Variants in ROBO2 observed in about 807,000 individuals in gnomAD.
ROBO2 encodes the protein roundabout guidance receptor 2, also known as roundabout homolog 2.
ROBO2 carries 53 observed loss-of-function variants against 160.8 expected under a neutral mutation model. The observed-to-expected ratio is 0.33, with a 90% confidence interval of 0.26 to 0.41. ROBO2 has a LOEUF of 0.41. Among genes scored for constraint, ROBO2 ranks in the 10% least tolerant of loss-of-function variants. The probability of loss-of-function intolerance (pLI) is 1.00; values close to 1 mark genes in which losing one functional copy is unlikely to be tolerated. For synonymous variants in ROBO2, 664 were observed against 611.7 expected (o/e 1.09, Z -1.26); for missense variants, 1,577 against 1,722.4 (o/e 0.92, Z 1.49).
intron 2 of ROBO2, among the ~76,000 whole-genome samples, chr3:76,006,522 C>G (rs907653585): frequency 6.6e-6 from 1 of 152,112 alleles, no homozygotes; most frequent in African/African-American, 2.4e-5. Flanking sequence ...ATTTACCTAT[C>G]CTTCTTTTGT....
intron 23 of ROBO2, among the ~76,000 whole-genome samples, chr3:77,623,168 G>T (rs1416585102): frequency 1.3e-5 from 2 of 152,030 alleles, no homozygotes; most frequent in African/African-American, 4.8e-5. Flanking sequence ...AATGAATTTG[G>T]AGAAAACTAA....
chr3:77,241,554 C>T (rs2089043339), intron 2 of ROBO2, among the ~76,000 whole-genome samples: 1 of 152,086 alleles, frequency 6.6e-6, no homozygotes, highest in Admixed American at 6.6e-5. Flanking sequence ...CACAGTTTTC[C>T]CATCTGATAA....
At chr3:76,504,717 ACGGGGTTTCAC>A (rs1204814972) in intron 2 of ROBO2, among the ~76,000 whole-genome samples, 1 of 151,478 alleles carries the variant, frequency 6.6e-6, no homozygotes, top group Non-Finnish European at 1.5e-5. Context: ...TTTAGTAGAG[ACGGGGTTTCAC>A]CGTGTTAGCC....
At chr3:77,514,495 T>A (rs989830773) in intron 5 of ROBO2, among the ~76,000 whole-genome samples, 3 of 151,742 alleles carry the variant, frequency 2.0e-5, no homozygotes, top group African/African-American at 7.3e-5. Context: ...AGAAAATGCA[T>A]GCTGCTGTTT....
chr3:76,511,832 C>T (rs2081105849), intron 2 of ROBO2, among the ~76,000 whole-genome samples: 1 of 152,096 alleles, frequency 6.6e-6, no homozygotes, highest in Admixed American at 6.5e-5. Context: ...CCTTCGGAGC[C>T]CATCAGTAAG....
chr3:76,875,468 T>G (rs566554993), intron 2 of ROBO2, among the ~76,000 whole-genome samples: 1 of 152,078 alleles, frequency 6.6e-6, no homozygotes, highest in African/African-American at 2.4e-5. Context: ...GTTCTGGAGG[T>G]CAGAAGTGCC....
chr3:76,469,215 C>T (rs550593106), intron 2 of ROBO2, among the ~76,000 whole-genome samples: 3 of 151,932 alleles, frequency 2.0e-5, no homozygotes, highest in South Asian at 4.1e-4. Flanking sequence ...ATGACAATGA[C>T]GATAATAATG....
At chr3:77,564,168 A>G (rs993720604) in intron 11 of ROBO2, among the ~76,000 whole-genome samples, 1 of 152,146 alleles carries the variant, frequency 6.6e-6, no homozygotes, top group African/African-American at 2.4e-5. Flanking sequence ...CTACGTTTCT[A>G]TCATTCTTAT....
chr3:76,847,065 C>G (rs867181925), intron 2 of ROBO2, among the ~76,000 whole-genome samples: 1 of 152,056 alleles, frequency 6.6e-6, no homozygotes, highest in Admixed American at 6.6e-5. Context: ...TGTCAAACAC[C>G]CAGTGCCTAC....
intron 2 of ROBO2, among the ~76,000 whole-genome samples, chr3:76,962,356 C>G (rs1302338279): frequency 1.3e-5 from 2 of 151,284 alleles, no homozygotes; most frequent in African/African-American, 4.9e-5. Flanking sequence ...ACAAACAAAA[C>G]CACTGGCCAT....
At chr3:75,945,471 G>T (rs983399537) in intron 2 of ROBO2, among the ~76,000 whole-genome samples, 4 of 151,950 alleles carry the variant, frequency 2.6e-5, no homozygotes, top group Non-Finnish European at 5.9e-5. Context: ...AATGACCTTG[G>T]CTATGGTTTG....
intron 2 of ROBO2, among the ~76,000 whole-genome samples, chr3:76,549,479 G>A (rs2108334406): frequency 6.6e-6 from 1 of 152,270 alleles, no homozygotes; most frequent in Non-Finnish European, 1.5e-5. Flanking sequence ...ACTCTCCTCT[G>A]AGAAGGTTCT....
At chr3:77,590,759 C>T (rs1052940010) in intron 17 of ROBO2, among the ~76,000 whole-genome samples, 3 of 152,102 alleles carry the variant, frequency 2.0e-5, no homozygotes, top group African/African-American at 7.2e-5. Context: ...TAAGTTTATA[C>T]TGTTAGTAAA....
intron 2 of ROBO2, among the ~76,000 whole-genome samples, chr3:76,968,629 T>C (rs12631310): frequency 0.23 from 34,640 of 152,138 alleles, 4,078 homozygotes; most frequent in South Asian, 0.33. Flanking sequence ...TTTTTATTTC[T>C]TGTTCTACTA....
At chr3:75,922,448 G>A (rs1947100007) in intron 1 of ROBO2, among the ~76,000 whole-genome samples, 1 of 151,966 alleles carries the variant, frequency 6.6e-6, no homozygotes, top group African/African-American at 2.4e-5. Flanking sequence ...ATGAATATGT[G>A]TAAAAAGCAA....
At chr3:77,512,869 A>G (rs1582605977) in intron 5 of ROBO2, among the ~76,000 whole-genome samples, 1 of 152,078 alleles carries the variant, frequency 6.6e-6, no homozygotes, top group South Asian at 2.1e-4. Context: ...TCCTGGTTCA[A>G]TTCATAGTTT....
chr3:76,439,599 A>G (rs990412926), intron 2 of ROBO2, among the ~76,000 whole-genome samples: 1 of 152,206 alleles, frequency 6.6e-6, no homozygotes, highest in Non-Finnish European at 1.5e-5. Context: ...CCAAGCAAAA[A>G]CAAAATAAAA....
At chr3:76,703,572 T>G (rs921849278) in intron 2 of ROBO2, among the ~76,000 whole-genome samples, 3 of 152,054 alleles carry the variant, frequency 2.0e-5, no homozygotes, top group Non-Finnish European at 4.4e-5. Context: ...GTCCATGTGT[T>G]CTCATTGTTC....
In ROBO2 at chr3:76,634,830, G is replaced by C. The variant is rs539085884; in HGVS notation, c.110-463184G>C. Among the ~76,000 whole-genome samples, 16 of 152,320 alleles carry C rather than the reference G, an allele frequency of 1.1e-4. No homozygotes were observed. In the South Asian group the frequency reaches 2.3e-3, roughly 22 times the overall value. On this transcript the variant is annotated intron_variant, in intron 2 of 26. Transcript: ENST00000487694. ...GCCACGCAGCAGGAGGTGAGCAGCAGGAGGTGCGCAGCAGGCCCACAAGCA... is the reference window on the plus strand; with the variant it reads ...GCCACGCAGCAGGAGGTGAGCAGCACGAGGTGCGCAGCAGGCCCACAAGCA...
Sources: allele counts gnomAD v4.1 joint callset (sites outside exome capture counted in the v4.1 genomes callset), GRCh38; gene constraint gnomAD v4.1.1; transcripts MANE v1.5; gene names NCBI Gene and HGNC (gene_info 2026-07-23, HGNC 2026-07-21).